Variants in MAGI1 observed in about 807,000 individuals in gnomAD.
The protein encoded by MAGI1 is membrane associated guanylate kinase, WW and PDZ domain containing 1, also known as membrane-associated guanylate kinase, WW and PDZ domain-containing protein 1.
In MAGI1, 58 loss-of-function variants were observed where a neutral mutation model predicts 139.9. The observed-to-expected ratio is 0.41, with a 90% CI of 0.34 to 0.52. The LOEUF is 0.52. MAGI1 is among the 20% of genes least tolerant of loss of function. MAGI1 has a pLI of 0.12. For missense variants in MAGI1, 1,874 were observed against 1,901.6 expected, an observed-to-expected ratio of 0.99 and a Z score of 0.27; for synonymous variants, 812 against 737.9, an observed-to-expected ratio of 1.10 and a Z score of -1.63.
intron 18 of MAGI1, among the ~76,000 whole-genome samples, chr3:65,372,451 C>T (rs1942093555): frequency 6.6e-6 from 1 of 152,176 alleles, no homozygotes; most frequent in African/African-American, 2.4e-5. Flanking sequence ...AGGCAGAGTA[C>T]ATTTAGCATC....
chr3:65,604,453 G>C (rs1475522518), intron 2 of MAGI1, among the ~76,000 whole-genome samples: 5 of 152,080 alleles, frequency 3.3e-5, no homozygotes, highest in Non-Finnish European at 7.4e-5. Context: ...AATTGGCCAA[G>C]GGCCTAAAAA....
At chr3:65,717,494 T>G (rs2032414912) in intron 1 of MAGI1, 1 of 152,214 alleles carries the variant, frequency 6.6e-6, no homozygotes, top group African/African-American at 2.4e-5. Context: ...ATTTCACATT[T>G]TCATGACTCT....
At chr3:65,893,370 C>T (rs1239402172) in intron 1 of MAGI1, among the ~76,000 whole-genome samples, 3 of 151,692 alleles carry the variant, frequency 2.0e-5, no homozygotes, top group Admixed American at 2.0e-4. Flanking sequence ...ACATTCAAAC[C>T]GGTTTCTTGC....
chr3:65,818,517 A>G (rs1443250431), intron 1 of MAGI1, among the ~76,000 whole-genome samples: 1 of 152,230 alleles, frequency 6.6e-6, no homozygotes, highest in Non-Finnish European at 1.5e-5. Context: ...CAGTGAATCC[A>G]CGTTAGCCAC....
At chr3:65,834,379 G>C (rs922200194) in intron 1 of MAGI1, among the ~76,000 whole-genome samples, 6 of 152,214 alleles carry the variant, frequency 3.9e-5, no homozygotes, top group Non-Finnish European at 5.9e-5. Flanking sequence ...AGCTCAGGAA[G>C]TCCAAGTAGC....
intron 1 of MAGI1, among the ~76,000 whole-genome samples, chr3:66,004,148 T>C (rs912823213): frequency 7.2e-5 from 11 of 152,120 alleles, no homozygotes; most frequent in African/African-American, 2.4e-4. Flanking sequence ...ACTTTCCTCA[T>C]TCTCTCTCTC....
At chr3:65,473,458 C>T (rs1048249218) in intron 4 of MAGI1, among the ~76,000 whole-genome samples, 15 of 152,026 alleles carry the variant, frequency 9.9e-5, no homozygotes, top group Admixed American at 7.2e-4. Flanking sequence ...TGTCCAAACT[C>T]GGTGACAGCC....
At chr3:65,624,642 C>T (rs1324558059) in intron 1 of MAGI1, among the ~76,000 whole-genome samples, 1 of 152,068 alleles carries the variant, frequency 6.6e-6, no homozygotes, top group Non-Finnish European at 1.5e-5. Context: ...GGAAGGTAGG[C>T]AAAAACTGAC....
chr3:65,459,203 T>C (rs575040638), intron 5 of MAGI1, among the ~76,000 whole-genome samples: 1 of 152,332 alleles, frequency 6.6e-6, no homozygotes, highest in East Asian at 1.9e-4. Context: ...GGTTACTACA[T>C]CTCTGTACTA....
At chr3:65,575,456 G>A (rs1206200450) in intron 2 of MAGI1, among the ~76,000 whole-genome samples, 1 of 152,094 alleles carries the variant, frequency 6.6e-6, no homozygotes, top group Admixed American at 6.5e-5. Context: ...CAATCACTCT[G>A]GGAAGGTTAA....
At chr3:65,711,197 T>C (rs1173447246) in intron 1 of MAGI1, among the ~76,000 whole-genome samples, 1 of 152,208 alleles carries the variant, frequency 6.6e-6, no homozygotes. Context: ...GTTTCTGCCT[T>C]CATGAAGCTT....
intron 1 of MAGI1, among the ~76,000 whole-genome samples, chr3:66,008,456 C>T (rs1349691248): frequency 6.6e-6 from 1 of 152,184 alleles, no homozygotes; most frequent in Non-Finnish European, 1.5e-5. Context: ...GGCACTATAC[C>T]TGGCAGGCAC....
chr3:65,464,452 T>C (rs1471380730), intron 5 of MAGI1, among the ~76,000 whole-genome samples: 1 of 152,128 alleles, frequency 6.6e-6, no homozygotes, highest in Non-Finnish European at 1.5e-5. Flanking sequence ...TTTCATTCAG[T>C]TCAATTTATT....
At chr3:65,958,326 A>G (rs1397837547) in intron 1 of MAGI1, among the ~76,000 whole-genome samples, 3 of 152,150 alleles carry the variant, frequency 2.0e-5, no homozygotes, top group African/African-American at 7.2e-5. Context: ...AAATCCCTTC[A>G]CCCTCCAATG....
chr3:65,364,635 G>A, intron 20 of MAGI1, 30 bp downstream of exon 20: 1 of 1,597,054 alleles, frequency 6.3e-7, no homozygotes, highest in East Asian at 2.2e-5. Flanking sequence ...AACGTGCAAA[G>A]TATAGAGAAA....
chr3:65,515,381 TG>T, intron 2 of MAGI1, among the ~76,000 whole-genome samples: 1 of 152,288 alleles, frequency 6.6e-6, no homozygotes, highest in Admixed American at 6.5e-5. Context: ...AAGAATTTTT[TG>T]TTTTGTTTTA....
intron 1 of MAGI1, among the ~76,000 whole-genome samples, chr3:65,812,205 C>G (rs1292417274): frequency 3.3e-5 from 5 of 151,956 alleles, no homozygotes; most frequent in Non-Finnish European, 7.4e-5. Context: ...GAATAATATA[C>G]CACCAACCTG....
At chr3:65,531,433 T>C (rs947609840) in intron 2 of MAGI1, among the ~76,000 whole-genome samples, 1 of 152,186 alleles carries the variant, frequency 6.6e-6, no homozygotes, top group Non-Finnish European at 1.5e-5. Flanking sequence ...TGCAACTTTA[T>C]ATGAGTCAAA....
intron 4 of MAGI1, among the ~76,000 whole-genome samples, chr3:65,472,050 C>A (rs562821545): frequency 6.6e-6 from 1 of 152,102 alleles, no homozygotes; most frequent in South Asian, 2.1e-4. Context: ...TTGCTTGAAC[C>A]CCCAAATTCA....
Sources: gnomAD v4.1 joint callset for allele counts (sites outside exome capture counted in the v4.1 genomes callset) on GRCh38, gnomAD v4.1.1 for gene constraint, MANE v1.5 for transcripts, NCBI Gene and HGNC (gene_info 2026-07-23, HGNC 2026-07-21) for gene names.